The following L3MBTL1 variants were observed in gnomAD, a reference collection of about 807,000 sequenced individuals.
L3MBTL1 encodes lethal(3)malignant brain tumor-like protein 1.
Under a neutral mutation model 105.3 loss-of-function variants are expected in L3MBTL1, and 75 were observed. The ratio of observed to expected loss-of-function variants is 0.71; its 90% CI spans 0.59 to 0.86. The LOEUF (loss-of-function observed/expected upper bound fraction) is 0.86. Ranked by LOEUF, L3MBTL1 falls within the 40% of genes least tolerant of loss-of-function variation. The pLI, the probability that L3MBTL1 is intolerant of heterozygous loss-of-function variation, is 0.00. For synonymous variants in L3MBTL1, 452 were observed against 436.2 expected (o/e 1.04, Z -0.45); for missense variants, 1,069 against 1,126.4 (o/e 0.95, Z 0.73).
At chr20:43,545,824 G>A (rs146236547), downstream of L3MBTL1, among the ~76,000 whole-genome samples, 490 of 152,302 alleles carry the variant, frequency 3.2e-3, 2 homozygotes, top group Non-Finnish European at 4.7e-3. Context: ...TAGTGAATTG[G>A]GAAAGATCAG....
intron 7 of L3MBTL1, chr20:43,523,630 A>G (rs991403458): frequency 9.5e-6 from 2 of 209,784 alleles, no homozygotes; most frequent in African/African-American, 4.6e-5. Flanking sequence ...CTGCATTTGC[A>G]CCGCTCTCCT....
At chr20:43,519,098 A>G (rs1388472834) in intron 7 of L3MBTL1, among the ~76,000 whole-genome samples, 1 of 152,030 alleles carries the variant, frequency 6.6e-6, no homozygotes, top group African/African-American at 2.4e-5. Context: ...GCACTTTGGG[A>G]GGCTGAGGTG....
Position 43,515,129 on chromosome 20 carries a change from A to G in L3MBTL1, c.623A>G (p.Asn208Ser). 2 of 1,614,164 alleles carry G rather than the reference A, an allele frequency of 1.2e-6. No individual in the cohort carries two copies. The highest frequency in any genetic ancestry group is 2.2e-5 in the South Asian group (2 of 91,086). ...GCGGGTCCAGATCTTGGTTCCTCTA[A>G]TGATGGCTGCCCTCAGCTGTTCCAG... ...QAAGPDLGSS[N>S]DGCPQLFQER... Residue 208 changes from asparagine (N) to serine (S), a missense_variant, in exon 5 of 22, where the codon AAT (asparagine) becomes AGT (serine). By Grantham distance (46) the Asn-to-Ser change is conservative. Coordinates refer to ENST00000418998, the MANE Select transcript of L3MBTL1 (RefSeq NM_001377303.1).
intron 19 of L3MBTL1, among the ~76,000 whole-genome samples, chr20:43,538,715 A>C (rs2019757354): frequency 6.6e-6 from 1 of 152,186 alleles, no homozygotes; most frequent in Admixed American, 6.5e-5. Context: ...AAGACACTGT[A>C]ACTGCTGGTA....
intron 6 of L3MBTL1, 141 bp from the exon 7 acceptor site, chr20:43,515,952 G>C (rs930242018): frequency 9.5e-6 from 6 of 629,724 alleles, no homozygotes; most frequent in African/African-American, 9.1e-5. Context: ...CTGCACTCCT[G>C]CTGGCGGCCT....
intron 11 of L3MBTL1, chr20:43,532,570 G>T: frequency 1.8e-6 from 1 of 545,206 alleles, no homozygotes; most frequent in Non-Finnish European, 3.2e-6. Flanking sequence ...GTGCACCTTG[G>T]AGGCCAGAGG....
intron 18 of L3MBTL1, 44 bp from the exon 19 acceptor site, chr20:43,536,365 C>A (rs749439581): frequency 6.2e-7 from 1 of 1,613,548 alleles, no homozygotes; most frequent in Non-Finnish European, 8.5e-7. Flanking sequence ...TGGACTGGGC[C>A]AGACACTGAT....
At chr20:43,526,074 G>C (rs992032098) in intron 7 of L3MBTL1, among the ~76,000 whole-genome samples, 2 of 152,202 alleles carry the variant, frequency 1.3e-5, no homozygotes, top group African/African-American at 4.8e-5. Flanking sequence ...GGTCAGAGGT[G>C]TCTGCTGTGG....
At chr20:43,540,707 G>A in intron 20 of L3MBTL1, 46 bp from the exon 21 acceptor site, 1 of 1,593,852 alleles carries the variant, frequency 6.3e-7, no homozygotes, top group African/African-American at 1.3e-5. Context: ...CTCCCTACAT[G>A]CCTAAGCTCT....
rs931819736 is a variant in L3MBTL1, at chr20:43,516,135, G to A, written c.820G>A (p.Ala274Thr). 5.0e-6 allele frequency: 8 copies of A among 1,614,010 alleles called. No homozygotes were observed. Among genetic ancestry groups the A allele is most frequent in the Non-Finnish European group, 6.8e-6 (8 of 1,180,012 alleles). ...EGKDPEGQPTASTPESEEWSS... is the reference protein window; with the variant it reads ...EGKDPEGQPTTSTPESEEWSS... The stretch of plus-strand genomic sequence containing the variant: ...AAAGGACCCAGAGGGACAACCCACT[G>A]CTAGCACCCCAGAGAGTGAGGAGTG... Residue 274 changes from alanine to threonine, a missense_variant, in exon 7 of 22, where the codon GCT (alanine) becomes ACT (threonine). Ala to Thr is a moderately conservative substitution (Grantham distance 58). Transcript: ENST00000418998.
intron 11 of L3MBTL1, chr20:43,532,517 C>T (rs973523030): frequency 2.3e-6 from 1 of 428,188 alleles, no homozygotes; most frequent in African/African-American, 2.0e-5. Context: ...AACGCATAGC[C>T]TCCTTCCAGG....
chr20:43,516,027 T>A, intron 6 of L3MBTL1, 66 bp from the exon 7 acceptor site: 1 of 1,267,304 alleles, frequency 7.9e-7, no homozygotes, highest in Non-Finnish European at 1.2e-6. Context: ...GGGGCCAGGA[T>A]CAGACCCTAG....
At position 43,540,937 on chromosome 20, in the gene L3MBTL1, A is replaced by G; in HGVS notation, c.2398A>G (p.Arg800Gly). 1 of 1,614,056 alleles carries G rather than the reference A, an allele frequency of 6.2e-7. No homozygotes were observed. The highest frequency in any genetic ancestry group is 2.2e-5 in the East Asian group (1 of 44,858). Residue 800 changes from arginine to glycine, a missense_variant, in exon 22 of 22, where the codon AGA becomes GGA. By Grantham distance (125) the Arg-to-Gly change is moderately radical. Transcript: ENST00000418998. Reference protein sequence around the residue: ...DQARLFKDEARIVRVTHVSGK... With the variant: ...DQARLFKDEAGIVRVTHVSGK... ...GGGACCCGTGTTGCCCCACCAGGCA[A>G]GAATAGTCAGAGTGACCCATGTATC... is the stretch of plus-strand genomic sequence containing the variant.
chr20:43,527,152 T>C (rs6017101), intron 7 of L3MBTL1, among the ~76,000 whole-genome samples: 2 of 152,118 alleles, frequency 1.3e-5, no homozygotes, highest in Admixed American at 6.5e-5. Flanking sequence ...TCCAGCACTC[T>C]GTATTTCATA....
At chr20:43,528,515 T>TG in intron 7 of L3MBTL1, 142 bp from the exon 8 acceptor site, 1 of 650,922 alleles carries the variant, frequency 1.5e-6, no homozygotes, top group Non-Finnish European at 2.8e-6. Context: ...GGCACCATCA[T>TG]GGTGGGTGGG....
At position 43,535,034 on chromosome 20, in the gene L3MBTL1, C is replaced by T. The variant is rs918874552; in HGVS notation, c.1825+92C>T. The T allele has an allele frequency of 6.4e-5, 51 of 791,062 alleles. No homozygotes were observed. The African/African-American group carries it at 8.6e-4, about 13-fold the overall frequency. The allele number at this position is 791,062 out of a possible 1,614,324, so 49.0% of individuals were successfully genotyped here. Reference sequence around the variant, plus strand: ...CTACAGAGCTCTGACTCCCCATGCCCAAATATGACACAGAGGGCTCTGATG... The same window carrying T: ...CTACAGAGCTCTGACTCCCCATGCCTAAATATGACACAGAGGGCTCTGATG... On this transcript the variant is annotated intron_variant, in intron 16 of 21. Transcript: ENST00000418998.
rs73618896 is a variant in L3MBTL1, at chr20:43,515,435, G to T, written c.777+20G>T. ...GCCATGGTAGGAAGAGGGCAGTGGG[G>T]AAGGGAGGGGGAAGCTATAGCCTAT... On this transcript the variant is annotated intron_variant, in intron 6 of 21. Transcript: ENST00000418998. 7.9e-5 allele frequency: 122 copies of T among 1,549,948 alleles called. No homozygotes were observed. The East Asian group carries it at 2.7e-3, about 34-fold the overall frequency.
At chr20:43,540,417 T>C (rs1336621086) in intron 20 of L3MBTL1, 109 bp downstream of exon 20, 5 of 1,246,786 alleles carry the variant, frequency 4.0e-6, no homozygotes, top group Non-Finnish European at 5.7e-6. Flanking sequence ...CTCCTGGCAC[T>C]ACCTCTTGCT....
rs202093436 is a variant in L3MBTL1 at position 43,536,076 on chromosome 20, C to A, written c.1926-21C>A. ...GCGGGGACCAGTGGATTAAACCCAA[C>A]TGAAGTCTCTTCTTCCCCAGGAAGT... On this transcript the variant is annotated intron_variant, in intron 17 of 21. Transcript: ENST00000418998. 3.6e-5 allele frequency: 58 copies of A among 1,612,090 alleles called. No individual in the cohort carries two copies. The East Asian group carries it at 7.8e-4, about 22-fold the overall frequency.
Sources: allele counts gnomAD v4.1 joint callset (sites outside exome capture counted in the v4.1 genomes callset), GRCh38; gene constraint gnomAD v4.1.1; transcripts MANE v1.5; gene names NCBI Gene and HGNC (gene_info 2026-07-23, HGNC 2026-07-21).